PREX1: variants seen among roughly 807,000 people sequenced by gnomAD.
The protein encoded by PREX1 is phosphatidylinositol 3,4,5-trisphosphate-dependent Rac exchanger 1 protein.
PREX1 carries 41 observed loss-of-function variants against 198.3 expected under a neutral mutation model. That is an observed-to-expected ratio of 0.21 (90% confidence interval 0.16 to 0.27). The LOEUF (loss-of-function observed/expected upper bound fraction) is 0.27, where lower values mean the gene tolerates loss of function less well. Ranked by LOEUF, PREX1 falls within the 10% of genes least tolerant of loss-of-function variation. The probability of loss-of-function intolerance (pLI) is 1.00; values close to 1 mark genes in which losing one functional copy is unlikely to be tolerated. For missense variants in PREX1, 1,620 were observed against 2,200.7 expected (o/e 0.74, Z 5.28); for synonymous variants, 843 against 887.2 (o/e 0.95, Z 0.89).
At position 48,625,759 on chromosome 20, in the gene PREX1, G is replaced by A. The variant is rs2089266840; in HGVS notation, c.*126C>T. On this transcript the variant is annotated 3_prime_UTR_variant, in exon 40 of 40. Coordinates refer to ENST00000371941, the MANE Select transcript of PREX1 (RefSeq NM_020820.4). ...CCCGGAAGGAGGCAGGGAGGACGCT[G>A]GGCAGGTCCCGGAACGGGCGGCTGC... 3 of 1,162,542 alleles carry A rather than the reference G, an allele frequency of 2.6e-6. No individual in the cohort carries two copies. The highest frequency in any genetic ancestry group is 3.5e-6 in the Non-Finnish European group (3 of 850,460). 72.0% of individuals were successfully genotyped at this position (1,162,542 alleles called of 1,614,324 possible).
At chr20:48,809,290 A>C (rs1433243386) in intron 1 of PREX1, among the ~76,000 whole-genome samples, 1 of 152,222 alleles carries the variant, frequency 6.6e-6, no homozygotes, top group African/African-American at 2.4e-5. Flanking sequence ...CTGGGACCCA[A>C]GACTTGGGGG....
intron 25 of PREX1, among the ~76,000 whole-genome samples, chr20:48,647,846 A>G (rs919733296): frequency 3.3e-5 from 5 of 152,254 alleles, no homozygotes; most frequent in African/African-American, 9.6e-5. Flanking sequence ...AGCTTCAACA[A>G]CAGCCACTCA....
chr20:48,629,321 G>A (rs753547134), intron 37 of PREX1, 128 bp downstream of exon 37: 12 of 1,268,742 alleles, frequency 9.5e-6, no homozygotes, highest in Non-Finnish European at 1.3e-5. Context: ...ACAGAGCCAA[G>A]GCTCTACAGG....
the PREX1 span, among the ~76,000 whole-genome samples, chr20:48,839,031 A>C: frequency 2.7e-5 from 4 of 150,262 alleles, no homozygotes; most frequent in East Asian, 7.8e-4. Context: ...GCAAGGAAAT[A>C]TATTTTAAAA....
At chr20:48,805,260 G>C (rs992451818) in intron 1 of PREX1, among the ~76,000 whole-genome samples, 9 of 152,188 alleles carry the variant, frequency 5.9e-5, no homozygotes, top group African/African-American at 2.4e-5. Context: ...CAAAGAGGTA[G>C]GTAGGGCAGG....
intron 5 of PREX1, among the ~76,000 whole-genome samples, chr20:48,720,549 A>T (rs976076923): frequency 2.0e-5 from 3 of 152,138 alleles, no homozygotes; most frequent in Non-Finnish European, 4.4e-5. Flanking sequence ...TTGCTAAGAG[A>T]GTAGTATTCT....
chr20:48,753,582 G>A (rs2090143503), intron 1 of PREX1, among the ~76,000 whole-genome samples: 2 of 152,134 alleles, frequency 1.3e-5, no homozygotes. Context: ...AGAAATCCTT[G>A]CCTCAGAAAA....
At chr20:48,773,913 G>A (rs1277996494) in intron 1 of PREX1, among the ~76,000 whole-genome samples, 3 of 152,176 alleles carry the variant, frequency 2.0e-5, no homozygotes, top group Admixed American at 6.5e-5. Context: ...TCGTCCAGGC[G>A]GGAGGTGATG....
chr20:48,762,097 C>T (rs1269414759), intron 1 of PREX1, among the ~76,000 whole-genome samples: 2 of 152,186 alleles, frequency 1.3e-5, no homozygotes, highest in Admixed American at 6.5e-5. Flanking sequence ...TGCTACTTCG[C>T]CTTTACCCTC....
At chr20:48,767,139 A>G (rs544584057) in intron 1 of PREX1, among the ~76,000 whole-genome samples, 5 of 152,340 alleles carry the variant, frequency 3.3e-5, no homozygotes, top group Non-Finnish European at 7.3e-5. Context: ...AACAGTGGTC[A>G]GATGAGAGGA....
chr20:48,632,601 C>T lies in PREX1; in HGVS notation c.4306G>A (p.Ala1436Thr). The T allele has an allele frequency of 2.5e-6, 4 of 1,614,016 alleles. No individual in the cohort carries two copies. The highest frequency in any genetic ancestry group is 2.5e-6 in the Non-Finnish European group (3 of 1,179,926). ...TCGAGGTAGAAGATGACCTTCAGCG[C>T]CTGCCGGCTGCCCTCAATGTGGTAG... is the stretch of plus-strand genomic sequence containing the variant. ...VFYHIEGSRQ[A>T]LKVIFYLDSY... Residue 1436 changes from alanine to threonine, a missense_variant, in exon 34 of 40, where the codon GCG becomes ACG. Ala to Thr is a moderately conservative substitution (Grantham distance 58). Coordinates refer to ENST00000371941, the MANE Select transcript of PREX1 (RefSeq NM_020820.4).
At position 48,747,899 on chromosome 20, in the gene PREX1, GA is replaced by G; in HGVS notation, c.220-20del. On this transcript the variant is annotated intron_variant, in intron 1 of 39. Coordinates refer to ENST00000371941, the MANE Select transcript of PREX1 (RefSeq NM_020820.4). ...GGAATGCCTGGAGGAGAGAAGCAGAGAGAGGTGAGTGTCCGCGTCTCCAGCT... is the reference window on the plus strand; with the variant it reads ...GGAATGCCTGGAGGAGAGAAGCAGAGGAGGTGAGTGTCCGCGTCTCCAGCT... 6.2e-7 allele frequency: 1 copy of G among 1,606,582 alleles called. No individual in the cohort carries two copies. Among genetic ancestry groups the G allele is most frequent in the Non-Finnish European group, 8.5e-7 (1 of 1,174,992 alleles).
the PREX1 span, among the ~76,000 whole-genome samples, chr20:48,862,780 T>TAA: frequency 4.4e-3 from 435 of 99,216 alleles, 10 homozygotes; most frequent in Middle Eastern, 8.6e-3. Context: ...TAAAAAAGCC[T>TAA]AAAAAAAAAA....
intron 12 of PREX1, 112 bp from the exon 13 acceptor site, chr20:48,679,521 G>C (rs973770127): frequency 6.6e-5 from 92 of 1,388,132 alleles, no homozygotes; most frequent in Admixed American, 4.3e-4. Context: ...AGGGTAATGG[G>C]GGCAGGGGTG....
intron 23 of PREX1, among the ~76,000 whole-genome samples, chr20:48,650,495 T>C (rs2089486182): frequency 6.6e-6 from 1 of 152,208 alleles, no homozygotes. Context: ...CCTCAGTTCA[T>C]GAGGTTCAGG....
intron 1 of PREX1, among the ~76,000 whole-genome samples, chr20:48,760,132 T>C (rs2090172802): frequency 2.0e-5 from 3 of 150,862 alleles, no homozygotes; most frequent in South Asian, 4.2e-4. Context: ...AAGCATTGGC[T>C]ATTATGATCT....
In PREX1 at chr20:48,649,380, G is replaced by A. The variant is rs2281287; in HGVS notation, c.3225C>T (p.Ile1075=). ...SFLLKQEDRE[I]QDAYLQLFTK... The stretch of plus-strand genomic sequence containing the variant: ...TGAAGAGCTGCAGGTAGGCATCCTG[G>A]ATCTCACGGTCCTCCTGCTTGAGTA... Residue 1075 remains isoleucine, a synonymous_variant, in exon 25 of 40, where the codon ATC becomes ATT. Transcript: ENST00000371941. 4,149 of 1,614,172 alleles carry A rather than the reference G, an allele frequency of 2.6e-3. 98 individuals carry two copies. The East Asian group carries it at 0.058, about 23-fold the overall frequency.
intron 9 of PREX1, 61 bp from the exon 10 acceptor site, chr20:48,688,865 G>A: frequency 8.7e-6 from 14 of 1,600,104 alleles, no homozygotes; most frequent in Non-Finnish European, 1.2e-5. Flanking sequence ...GGGGGTAGGG[G>A]GAGACAAGGG....
chr20:48,652,936 T>G lies in PREX1; in HGVS notation c.2347-230A>C, dbSNP rs138186419. 3.9e-3 allele frequency among the ~76,000 whole-genome samples: 588 copies of G among 152,256 alleles called. 1 individual carries two copies. Among genetic ancestry groups the G allele is most frequent in the African/African-American group, 0.013 (560 of 41,540 alleles). On this transcript the variant is annotated intron_variant, in intron 20 of 39. Transcript: ENST00000371941. Reference sequence around the variant, plus strand: ...ACGTCTCTCCTGTGTCCCCAGGGTCTACAAACATGCCTGGTGCACAGCAGG... The same window carrying G: ...ACGTCTCTCCTGTGTCCCCAGGGTCGACAAACATGCCTGGTGCACAGCAGG...
Sources: allele counts gnomAD v4.1 joint callset (sites outside exome capture counted in the v4.1 genomes callset), GRCh38; gene constraint gnomAD v4.1.1; transcripts MANE v1.5; gene names NCBI Gene and HGNC (gene_info 2026-07-23, HGNC 2026-07-21).